The following RORA variants were observed in gnomAD, a reference collection of about 807,000 sequenced individuals.
The protein encoded by RORA is RAR related orphan receptor A.
RORA carries 7 observed loss-of-function variants against 69.5 expected under a neutral mutation model. The ratio of observed to expected loss-of-function variants is 0.10; its 90% CI spans 0.06 to 0.19. The LOEUF (loss-of-function observed/expected upper bound fraction) is 0.19, where lower values mean the gene tolerates loss of function less well. Ranked by LOEUF, RORA falls within the 10% of genes least tolerant of loss-of-function variation. The pLI, the probability that RORA is intolerant of heterozygous loss-of-function variation, is 1.00. For missense variants in RORA, 457 were observed against 663.0 expected (o/e 0.69, Z 3.41); for synonymous variants, 261 against 240.8 (o/e 1.08, Z -0.78).
chr15:61,116,825 G>A (rs928572314), intron 1 of RORA, among the ~76,000 whole-genome samples: 7 of 152,134 alleles, frequency 4.6e-5, no homozygotes, highest in Admixed American at 2.6e-4. Context: ...ATAACTAAAT[G>A]GCTCCTAGGT....
intron 1 of RORA, among the ~76,000 whole-genome samples, chr15:61,139,009 T>G (rs2079271977): frequency 6.6e-6 from 1 of 151,730 alleles, no homozygotes; most frequent in Admixed American, 6.6e-5. Flanking sequence ...CCAGGCGTGG[T>G]GGCGGGCGCC....
At chr15:60,969,910 A>C (rs192540767) in intron 1 of RORA, among the ~76,000 whole-genome samples, 1 of 152,344 alleles carries the variant, frequency 6.6e-6, no homozygotes, top group East Asian at 1.9e-4. Flanking sequence ...AATTAAGGTT[A>C]AATGTGGTCC....
chr15:60,739,918 C>T (rs2071552241), intron 1 of RORA, among the ~76,000 whole-genome samples: 1 of 152,126 alleles, frequency 6.6e-6, no homozygotes, highest in African/African-American at 2.4e-5. Context: ...GAAAGAAACA[C>T]TCAGCTTGCC....
At chr15:60,802,360 T>A (rs945107493) in intron 1 of RORA, among the ~76,000 whole-genome samples, 11 of 152,220 alleles carry the variant, frequency 7.2e-5, no homozygotes, top group African/African-American at 2.7e-4. Flanking sequence ...TAGTATTTTG[T>A]CATTATTTCT....
intron 1 of RORA, among the ~76,000 whole-genome samples, chr15:60,768,664 C>G (rs1218050118): frequency 6.6e-6 from 1 of 152,204 alleles, no homozygotes; most frequent in East Asian, 1.9e-4. Context: ...AGCTTAAAAT[C>G]CATCTCACAA....
intron 1 of RORA, among the ~76,000 whole-genome samples, chr15:61,081,613 C>A (rs1471128287): frequency 6.6e-6 from 1 of 151,934 alleles, no homozygotes; most frequent in Non-Finnish European, 1.5e-5. Context: ...CGAGACCATC[C>A]TGGCTAACAT....
At chr15:60,831,689 T>A (rs1410381192) in intron 1 of RORA, among the ~76,000 whole-genome samples, 1 of 152,144 alleles carries the variant, frequency 6.6e-6, no homozygotes, top group Non-Finnish European at 1.5e-5. Context: ...CTCAAGTGCT[T>A]TTTCATCACG....
chr15:61,033,888 T>A (rs1320940413), intron 1 of RORA, among the ~76,000 whole-genome samples: 1 of 112,874 alleles, frequency 8.9e-6, no homozygotes, highest in East Asian at 2.6e-4. Context: ...GGCAACATAG[T>A]GAGACCATGT....
At position 60,865,020 on chromosome 15, in the gene RORA, G is replaced by C. The variant is rs552140280; in HGVS notation, c.167-186334C>G. 5.3e-5 allele frequency among the ~76,000 whole-genome samples: 8 copies of C among 152,328 alleles called. No individual in the cohort carries two copies. The South Asian group carries it at 1.7e-3, about 32-fold the overall frequency. On this transcript the variant is annotated intron_variant, in intron 1 of 10. Coordinates refer to ENST00000335670, the MANE Select transcript of RORA (RefSeq NM_134261.3). ...TTTACAAGAAAGTTGATGCTGTGAA[G>C]AGGAAATAAGAGGCCAGATAAATTC...
At chr15:60,833,269 G>A (rs899896164) in intron 1 of RORA, among the ~76,000 whole-genome samples, 3 of 151,772 alleles carry the variant, frequency 2.0e-5, no homozygotes, top group East Asian at 1.9e-4. Context: ...AGGCTGGAGT[G>A]CAGTGGTGCT....
intron 1 of RORA, among the ~76,000 whole-genome samples, chr15:60,739,922 G>A (rs1259123844): frequency 6.6e-6 from 1 of 152,068 alleles, no homozygotes; most frequent in Non-Finnish European, 1.5e-5. Context: ...GAAACACTCA[G>A]CTTGCCCCTG....
intron 1 of RORA, among the ~76,000 whole-genome samples, chr15:60,838,117 C>T (rs74919924): frequency 0.015 from 2,211 of 152,234 alleles, 68 homozygotes; most frequent in African/African-American, 0.051. Context: ...GAGATCCACT[C>T]GAGCCATCCC....
At chr15:60,893,660 C>T (rs116589812) in intron 1 of RORA, among the ~76,000 whole-genome samples, 3,315 of 152,014 alleles carry the variant, frequency 0.022, 115 homozygotes, top group African/African-American at 0.076. Context: ...CTAAGGGAAG[C>T]GGGGGCTGAA....
chr15:61,080,557 T>C (rs1481240699), intron 1 of RORA, among the ~76,000 whole-genome samples: 1 of 152,188 alleles, frequency 6.6e-6, no homozygotes, highest in Non-Finnish European at 1.5e-5. Context: ...ATGGCTCAAA[T>C]GCGGCATCAA....
intron 1 of RORA, among the ~76,000 whole-genome samples, chr15:60,964,079 C>A (rs529710292): frequency 6.6e-6 from 1 of 152,308 alleles, no homozygotes; most frequent in South Asian, 2.1e-4. Context: ...ATTTAATAGA[C>A]TGGGAAACCA....
chr15:61,022,854 C>T (rs964368533), intron 1 of RORA, among the ~76,000 whole-genome samples: 3 of 151,986 alleles, frequency 2.0e-5, no homozygotes, highest in Non-Finnish European at 2.9e-5. Flanking sequence ...GTAAGAGATG[C>T]AGGGAGGCAG....
At chr15:60,950,091 C>CGGCAGAA (rs1893037771) in intron 1 of RORA, among the ~76,000 whole-genome samples, 2 of 151,340 alleles carry the variant, frequency 1.3e-5, no homozygotes, top group Admixed American at 6.6e-5. Context: ...GCGGATCTCT[C>CGGCAGAA]GGCAGAAACC....
At chr15:60,649,688 C>T (rs2070111040) in intron 2 of RORA, among the ~76,000 whole-genome samples, 1 of 152,164 alleles carries the variant, frequency 6.6e-6, no homozygotes, top group Non-Finnish European at 1.5e-5. Flanking sequence ...CAGGTGTTTT[C>T]TCCCTGTGTT....
At position 60,493,017 on chromosome 15, in the gene RORA, C is replaced by CCAA. The variant is rs1220673298; in HGVS notation, c.*4435_*4437dup. 6.6e-6 allele frequency: 1 copy of CCAA among 152,140 alleles called. No homozygotes were observed. Among genetic ancestry groups the CCAA allele is most frequent in the African/African-American group, 2.4e-5 (1 of 41,504 alleles). 9.4% of individuals were successfully genotyped at this position (152,140 alleles called of 1,614,324 possible). On this transcript the variant is annotated 3_prime_UTR_variant, in exon 11 of 11. Coordinates refer to ENST00000335670, the MANE Select transcript of RORA (RefSeq NM_134261.3). ...AGCACATTGTTTCTGACTCTTAACC[C>CCAA]CAACTCCAAAATGATAGGGCTTCTA...
Sources: allele counts gnomAD v4.1 joint callset (sites outside exome capture counted in the v4.1 genomes callset), GRCh38; gene constraint gnomAD v4.1.1; transcripts MANE v1.5; gene names NCBI Gene and HGNC (gene_info 2026-07-23, HGNC 2026-07-21).